Variants in VRK2 observed in about 807,000 individuals in gnomAD.
The protein encoded by VRK2 is serine/threonine-protein kinase VRK2.
VRK2 carries 60 observed loss-of-function variants against 57.6 expected under a neutral mutation model. The ratio of observed to expected loss-of-function variants is 1.04; its 90% confidence interval spans 0.85 to 1.29. The LOEUF (loss-of-function observed/expected upper bound fraction) is 1.29. Among genes scored for constraint, VRK2 ranks in the 50% most tolerant of loss-of-function variants. VRK2 has a pLI of 0.00. For missense variants in VRK2, 705 were observed against 588.1 expected, an observed-to-expected ratio of 1.20 and a Z score of -2.06; for synonymous variants, 231 against 199.2, an observed-to-expected ratio of 1.16 and a Z score of -1.35.
At chr2:57,918,903 T>C (rs1054879127) in intron 1 of VRK2, among the ~76,000 whole-genome samples, 2 of 152,252 alleles carry the variant, frequency 1.3e-5, no homozygotes, top group East Asian at 3.9e-4. Context: ...AACATTTCTA[T>C]GTATCTGAAG....
intron 1 of VRK2, among the ~76,000 whole-genome samples, chr2:57,922,992 C>T (rs545932126): frequency 6.6e-6 from 1 of 152,080 alleles, no homozygotes; most frequent in East Asian, 1.9e-4. Context: ...CTGTGCCTGG[C>T]CTATTTCACT....
At chr2:57,943,118 T>C (rs556593258) in intron 1 of VRK2, among the ~76,000 whole-genome samples, 2 of 152,228 alleles carry the variant, frequency 1.3e-5, no homozygotes, top group East Asian at 3.8e-4. Flanking sequence ...TTTATAATCC[T>C]ACTGCATATA....
At chr2:57,911,163 C>T (rs1669974483) in intron 1 of VRK2, among the ~76,000 whole-genome samples, 1 of 151,908 alleles carries the variant, frequency 6.6e-6, no homozygotes, top group Non-Finnish European at 1.5e-5. Context: ...TCACCAGTTA[C>T]TTCATGGTAA....
At chr2:57,938,505 T>C (rs948441824) in intron 1 of VRK2, among the ~76,000 whole-genome samples, 5 of 152,152 alleles carry the variant, frequency 3.3e-5, no homozygotes, top group African/African-American at 9.7e-5. Context: ...ATTTTTGTAA[T>C]TGAAATTGTA....
intron 7 of VRK2, among the ~76,000 whole-genome samples, chr2:58,119,022 A>G (rs1676985785): frequency 6.6e-6 from 1 of 152,150 alleles, no homozygotes; most frequent in South Asian, 2.1e-4. Flanking sequence ...AAGGCGGGGC[A>G]GGGCCTTTTC....
intron 1 of VRK2, among the ~76,000 whole-genome samples, chr2:57,947,147 G>A (rs1671286632): frequency 1.3e-5 from 2 of 152,044 alleles, no homozygotes; most frequent in Non-Finnish European, 2.9e-5. Context: ...CAGAGAACTG[G>A]CATTTATTAA....
intron 1 of VRK2, among the ~76,000 whole-genome samples, chr2:57,910,803 G>A (rs181437862): frequency 6.6e-6 from 1 of 152,122 alleles, no homozygotes; most frequent in Non-Finnish European, 1.5e-5. Context: ...ATAAAATACT[G>A]TGAATTAATC....
intron 1 of VRK2, among the ~76,000 whole-genome samples, chr2:57,978,728 G>A (rs537473577): frequency 6.7e-6 from 1 of 148,674 alleles, no homozygotes; most frequent in African/African-American, 2.6e-5. Context: ...GCACATGCAG[G>A]TTTGTTTCAT....
intron 7 of VRK2, among the ~76,000 whole-genome samples, chr2:58,100,036 T>A (rs1310566360): frequency 2.6e-5 from 4 of 151,952 alleles, no homozygotes; most frequent in Non-Finnish European, 5.9e-5. Flanking sequence ...TAGAAAAAAA[T>A]TTAGTGATCT....
chr2:58,148,068 G>T (rs185591253), intron 12 of VRK2, among the ~76,000 whole-genome samples: 3 of 151,766 alleles, frequency 2.0e-5, no homozygotes, highest in East Asian at 3.9e-4. Context: ...TAGAATTGCT[G>T]GGTCGTAGGG....
intron 3 of VRK2, among the ~76,000 whole-genome samples, chr2:58,036,552 T>C (rs1558552508): frequency 6.6e-6 from 1 of 152,070 alleles, no homozygotes; most frequent in African/African-American, 2.4e-5. Flanking sequence ...GTAATCAGTA[T>C]CGAGATGGTA....
rs1157084030 is a variant in VRK2 at position 58,136,773 on chromosome 2, CAT to C, written c.856+1581_856+1582del. ...AGATGTCATTAACATATATATATAT[CAT>C]ATATATGTGTATATATATCATATAT... On this transcript the variant is annotated intron_variant, in intron 10 of 12. Transcript: ENST00000340157. 4.2e-5 allele frequency among the ~76,000 whole-genome samples: 6 copies of C among 142,462 alleles called. 1 individual carries two copies. The highest frequency in any genetic ancestry group is 3.6e-4 in the Admixed American group (5 of 13,920). 93.5% of individuals were successfully genotyped at this position (142,462 alleles called of 152,430 possible). A position where few individuals can be genotyped will look rare whatever the true frequency, so the allele number is the denominator to read the frequency against.
chr2:57,967,666 C>T (rs1380531303), intron 1 of VRK2, among the ~76,000 whole-genome samples: 4 of 151,128 alleles, frequency 2.6e-5, no homozygotes, highest in Admixed American at 2.6e-4. Flanking sequence ...AAGGTTAGAG[C>T]ACTTAAGCAA....
Position 58,132,348 on chromosome 2 carries a change from A to G in VRK2, c.797+420A>G, listed in dbSNP as rs575118579. On this transcript the variant is annotated intron_variant, in intron 9 of 12. Coordinates refer to ENST00000340157, the MANE Select transcript of VRK2 (RefSeq NM_006296.7). ...GGGCTTATATTTTTCAAGTGAGAGC[A>G]ACATACCTCTTATTTCTGTCTTGGA... Among the ~76,000 whole-genome samples, 166 of 152,352 alleles carry G rather than the reference A, an allele frequency of 1.1e-3. 1 individual carries two copies. Among genetic ancestry groups the G allele is most frequent in the African/African-American group, 3.8e-3 (159 of 41,592 alleles).
intron 1 of VRK2, among the ~76,000 whole-genome samples, chr2:58,001,655 C>T (rs1355890878): frequency 5.9e-5 from 9 of 152,066 alleles, no homozygotes; most frequent in Non-Finnish European, 1.2e-4. Context: ...AACCCCGTCT[C>T]TATTAAAAAT....
intron 1 of VRK2, among the ~76,000 whole-genome samples, chr2:57,978,786 C>T (rs535187496): frequency 1.3e-5 from 2 of 150,452 alleles, no homozygotes; most frequent in African/African-American, 5.0e-5. Flanking sequence ...GACCTGTCCT[C>T]TAAGTTCCCT....
intron 1 of VRK2, among the ~76,000 whole-genome samples, chr2:57,914,480 A>T (rs1670085896): frequency 6.6e-6 from 1 of 152,066 alleles, no homozygotes; most frequent in African/African-American, 2.4e-5. Context: ...GGCCTGAAAT[A>T]TTACATTATA....
intron 7 of VRK2, among the ~76,000 whole-genome samples, chr2:58,116,341 A>G (rs13388050): frequency 0.017 from 2,372 of 141,768 alleles, 80 homozygotes; most frequent in African/African-American, 0.07. Context: ...AGATGCGGCT[A>G]TAGTCCGGGA....
At chr2:58,148,982 G>T (rs1334105517) in intron 12 of VRK2, among the ~76,000 whole-genome samples, 2 of 151,638 alleles carry the variant, frequency 1.3e-5, no homozygotes, top group Non-Finnish European at 3.0e-5. Context: ...TTAGGTCCTA[G>T]TCTCCTCCAT....
Sources: allele counts gnomAD v4.1 joint callset (sites outside exome capture counted in the v4.1 genomes callset), GRCh38; gene constraint gnomAD v4.1.1; transcripts MANE v1.5; gene names NCBI Gene and HGNC (gene_info 2026-07-23, HGNC 2026-07-21).